SSH3: variants seen among roughly 807,000 people sequenced by gnomAD.
The protein encoded by SSH3 is protein phosphatase Slingshot homolog 3.
In SSH3, 67 loss-of-function variants were observed where a neutral mutation model predicts 75.0. The ratio of observed to expected loss-of-function variants is 0.89; its 90% CI spans 0.73 to 1.10. The LOEUF is 1.10. Among genes scored for constraint, SSH3 ranks in the 50% least tolerant of loss-of-function variants. The probability of loss-of-function intolerance (pLI) is 0.00; values close to 1 mark genes in which losing one functional copy is unlikely to be tolerated. For synonymous variants in SSH3, 318 were observed against 349.2 expected, an observed-to-expected ratio of 0.91 and a Z score of 1.00; for missense variants, 824 against 872.7, an observed-to-expected ratio of 0.94 and a Z score of 0.70.
intron 10 of SSH3, 174 bp from the exon 11 acceptor site, chr11:67,309,223 G>T: frequency 1.4e-6 from 1 of 730,028 alleles, no homozygotes; most frequent in Non-Finnish European, 2.2e-6. Context: ...CAAGATGATT[G>T]GTCTAAGGTC....
intron 13 of SSH3, among the ~76,000 whole-genome samples, chr11:67,310,725 C>G (rs1164552287): frequency 6.6e-6 from 1 of 152,124 alleles, no homozygotes; most frequent in Non-Finnish European, 1.5e-5. Context: ...GGTGAGCCAG[C>G]CCCAGCCTCG....
rs373086152 is a variant in SSH3, at chr11:67,309,718, G to A, written c.1209-50G>A. The A allele has an allele frequency of 4.2e-5, 67 of 1,604,416 alleles. No homozygotes were observed. The African/African-American group carries it at 5.9e-4, about 14-fold the overall frequency. On this transcript the variant is annotated intron_variant, in intron 11 of 13. Transcript: ENST00000308127. ...TCACCTGCCCTCCCCTGCAGGAGGC[G>A]GGATCCTTCATGGTGAGGGGAGGGT...
Position 67,307,194 on chromosome 11 carries a change from G to T in SSH3, c.536+81G>T, listed in dbSNP as rs1861271315. 3 of 1,582,412 alleles carry T rather than the reference G, an allele frequency of 1.9e-6. No individual in the cohort carries two copies. The Admixed American group carries it at 5.2e-5, about 27-fold the overall frequency. ...GATGTGACGGGGCCTGGGCACCAGG[G>T]TACAGTAGAACTTTAGGCTGGGACT... is the stretch of plus-strand genomic sequence containing the variant. On this transcript the variant is annotated intron_variant, in intron 5 of 13. Transcript: ENST00000308127. The surrounding 1 kb of genome is among the most constrained non-coding windows in gnomAD (Gnocchi z 4.2).
intron 10 of SSH3, chr11:67,309,125 C>T: frequency 2.1e-6 from 1 of 477,770 alleles, no homozygotes; most frequent in South Asian, 2.4e-5. Context: ...AAAAGCTGTT[C>T]TCTAACTCAT....
At chr11:67,305,335 C>T (rs917685591) in intron 3 of SSH3, among the ~76,000 whole-genome samples, 3 of 152,030 alleles carry the variant, frequency 2.0e-5, no homozygotes, top group Admixed American at 6.6e-5. Context: ...TACAGGCACC[C>T]GCCACTATGC....
At position 67,310,336 on chromosome 11, in the gene SSH3, A is replaced by G; in HGVS notation, c.1680A>G (p.Pro560=). 1 of 1,605,398 alleles carries G rather than the reference A, an allele frequency of 6.2e-7. No individual in the cohort carries two copies. Among genetic ancestry groups the G allele is most frequent in the Non-Finnish European group, 8.5e-7 (1 of 1,174,270 alleles). Residue 560 remains proline (P), a synonymous_variant, in exon 13 of 14, where the codon CCA becomes CCG. Coordinates refer to ENST00000308127, the MANE Select transcript of SSH3 (RefSeq NM_017857.4). ...LESTSETSDM[P]EVFSSHESSH... ...GCACCTCAGAGACCAGTGACATGCC[A>G]GAGGTGAGGCTGGGGCTGGGGGAGC...
chr11:67,311,875 G>A lies in SSH3; in HGVS notation c.1968G>A (p.Glu656=). The A allele has an allele frequency of 2.5e-6, 4 of 1,611,116 alleles. No individual in the cohort carries two copies. Among genetic ancestry groups the A allele is most frequent in the Non-Finnish European group, 3.4e-6 (4 of 1,179,682 alleles). The change falls in exon 14 of 14, where the codon GAG becomes GAA. Residue 656 remains glutamate, a synonymous_variant. Coordinates refer to ENST00000308127, the MANE Select transcript of SSH3 (RefSeq NM_017857.4). Reference sequence around the variant, plus strand: ...CCAGCGTGCATGACAGTGGAGAGGAGGGCGAGGCCTGAGCCCTCACACATG... The same window carrying A: ...CCAGCGTGCATGACAGTGGAGAGGAAGGCGAGGCCTGAGCCCTCACACATG... ...RQASVHDSGE[E]GEA is the part of the protein sequence containing the mutation.
rs1402591584 is a variant in SSH3, at chr11:67,307,346, C to T, written c.537-25C>T. 1 of 1,613,158 alleles carries T rather than the reference C, an allele frequency of 6.2e-7. No individual in the cohort carries two copies. The highest frequency in any genetic ancestry group is 1.3e-5 in the African/African-American group (1 of 74,908). Reference sequence around the variant, plus strand: ...TCTGTCGCAGAGCCTGGAGTCTGGCCTCACCTGTGCCTGGTCTCCTGCAGG... The same window carrying T: ...TCTGTCGCAGAGCCTGGAGTCTGGCTTCACCTGTGCCTGGTCTCCTGCAGG... On this transcript the variant is annotated intron_variant, in intron 5 of 13. Coordinates refer to ENST00000308127, the MANE Select transcript of SSH3 (RefSeq NM_017857.4). The surrounding 1 kb of genome is among the most constrained non-coding windows in gnomAD (Gnocchi z 4.2).
chr11:67,309,915 C>T lies in SSH3; in HGVS notation c.1356C>T (p.Pro452=), dbSNP rs1310919850. ...AGGAGCTCCGGCCCATCGCCCGCCC[C>T]AACCCTGGCTTCCTGCGCCAGCTGC... ...HVQELRPIAR[P]NPGFLRQLQI... is the part of the protein sequence containing the mutation. Residue 452 remains proline, a synonymous_variant, in exon 12 of 14, where the codon CCC becomes CCT. Coordinates refer to ENST00000308127, the MANE Select transcript of SSH3 (RefSeq NM_017857.4). 5 of 1,611,154 alleles carry T rather than the reference C, an allele frequency of 3.1e-6. No homozygotes were observed. The highest frequency in any genetic ancestry group is 4.2e-6 in the Non-Finnish European group (5 of 1,179,982).
rs990146701 is a variant in SSH3 at position 67,307,489 on chromosome 11, G to T, written c.602+53G>T. On this transcript the variant is annotated intron_variant, in intron 6 of 13. Coordinates refer to ENST00000308127, the MANE Select transcript of SSH3 (RefSeq NM_017857.4). The surrounding 1 kb of genome is among the most constrained non-coding windows in gnomAD (Gnocchi z 4.2). ...GCCAGCCTCTCCTTCGAAGGAGGCT[G>T]CAGGGCCTGGGGAAGGGCAGCAAGG... is the stretch of plus-strand genomic sequence containing the variant. 7.4e-6 allele frequency: 12 copies of T among 1,613,038 alleles called. No individual in the cohort carries two copies. In the African/African-American group the frequency reaches 1.5e-4, roughly 20 times the overall value.
rs555327507 is a variant in SSH3, at chr11:67,306,694, T to G, written c.340-144T>G. On this transcript the variant is annotated intron_variant, in intron 3 of 13. Coordinates refer to ENST00000308127, the MANE Select transcript of SSH3 (RefSeq NM_017857.4). ...TCCCCGCTTTTTTCCACACAGTCCC[T>G]CTTTACCCACTGATTTTACATCTGG... The G allele has an allele frequency of 2.8e-5, 29 of 1,033,478 alleles. No homozygotes were observed. The African/African-American group carries it at 4.2e-4, about 15-fold the overall frequency. The allele number at this position is 1,033,478 out of a possible 1,614,324, so 64.0% of individuals were successfully genotyped here.
intron 3 of SSH3, 132 bp from the exon 4 acceptor site, chr11:67,306,706 G>GATTTTAC: frequency 8.9e-7 from 1 of 1,125,750 alleles, no homozygotes; most frequent in Non-Finnish European, 1.2e-6. Context: ...TTTACCCACT[G>GATTTTAC]ATTTTACATC....
chr11:67,308,070 C>A lies in SSH3; in HGVS notation c.886-104C>A. 1 of 1,587,980 alleles carries A rather than the reference C, an allele frequency of 6.3e-7. No homozygotes were observed. Among genetic ancestry groups the A allele is most frequent in the African/African-American group, 1.3e-5 (1 of 74,558 alleles). On this transcript the variant is annotated intron_variant, in intron 8 of 13. Transcript: ENST00000308127. This position sits in a 1 kb window ranked among gnomAD's most constrained non-coding sequence, Gnocchi z 4.9. ...GGATGCCTTGGCCTTGGCCCTAATCCATCTAGATGGGATAGGGTGCTGTCC... is the reference window on the plus strand; with the variant it reads ...GGATGCCTTGGCCTTGGCCCTAATCAATCTAGATGGGATAGGGTGCTGTCC...
At position 67,309,918 on chromosome 11, in the gene SSH3, C is replaced by T; in HGVS notation, c.1359C>T (p.Asn453=). 4 of 1,611,118 alleles carry T rather than the reference C, an allele frequency of 2.5e-6. No individual in the cohort carries two copies. The highest frequency in any genetic ancestry group is 2.5e-6 in the Non-Finnish European group (3 of 1,179,974). The change falls in exon 12 of 14, where the codon AAC becomes AAT. Residue 453 remains asparagine (N), a synonymous_variant. Transcript: ENST00000308127. ...VQELRPIARP[N]PGFLRQLQIY... is the part of the protein sequence containing the mutation. ...AGCTCCGGCCCATCGCCCGCCCCAA[C>T]CCTGGCTTCCTGCGCCAGCTGCAGA...
At position 67,307,849 on chromosome 11, in the gene SSH3, C is replaced by G. The variant is rs957572203; in HGVS notation, c.795C>G (p.Ser265=). ...GACTGAGGGGCTCTGCTCCCAGGTC[C>G]TCAGAACAGGAGCAGATGGAGCAGG... ...LRPPSAEPGG[S]SEQEQMEQAI... is the part of the protein sequence containing the mutation. The change falls in exon 8 of 14, where the codon TCC becomes TCG. Residue 265 remains serine, a synonymous_variant. Coordinates refer to ENST00000308127, the MANE Select transcript of SSH3 (RefSeq NM_017857.4). This position sits in a 1 kb window ranked among gnomAD's most constrained non-coding sequence, Gnocchi z 4.2. The G allele has an allele frequency of 6.2e-7, 1 of 1,614,184 alleles. No individual in the cohort carries two copies. Among genetic ancestry groups the G allele is most frequent in the Non-Finnish European group, 8.5e-7 (1 of 1,180,020 alleles).
Position 67,307,518 on chromosome 11 carries a change from C to T in SSH3, c.603-31C>T. On this transcript the variant is annotated intron_variant, in intron 6 of 13. Coordinates refer to ENST00000308127, the MANE Select transcript of SSH3 (RefSeq NM_017857.4). The surrounding 1 kb of genome is among the most constrained non-coding windows in gnomAD (Gnocchi z 4.2). ...GGCCTGGGGAAGGGCAGCAAGGGAACAGTGTGACCCAGCCTCTCCTCCTGT... is the reference window on the plus strand; with the variant it reads ...GGCCTGGGGAAGGGCAGCAAGGGAATAGTGTGACCCAGCCTCTCCTCCTGT... 6 of 1,610,902 alleles carry T rather than the reference C, an allele frequency of 3.7e-6. No homozygotes were observed. The highest frequency in any genetic ancestry group is 5.1e-6 in the Non-Finnish European group (6 of 1,178,184).
At chr11:67,304,078 T>C (rs1194831204) in intron 1 of SSH3, 40 bp from the exon 2 acceptor site, 2 of 1,549,100 alleles carry the variant, frequency 1.3e-6, no homozygotes, top group Non-Finnish European at 1.7e-6. Context: ...GGGACAGCCC[T>C]CCCCGCCCTC....
chr11:67,303,597 G>A lies in SSH3; in HGVS notation c.-29G>A. ...GTTGAGGGAAGGGGCCGTGCCCGGT[G>A]CCAGCCCAGGTGCTCGCGGCCTGGC... On this transcript the variant is annotated 5_prime_UTR_variant, in exon 1 of 14. Transcript: ENST00000308127. The A allele has an allele frequency of 6.6e-7, 1 of 1,517,330 alleles. No individual in the cohort carries two copies. The highest frequency in any genetic ancestry group is 2.0e-4 in the Middle Eastern group (1 of 5,086). 94.0% of individuals were successfully genotyped at this position (1,517,330 alleles called of 1,614,324 possible).
Position 67,312,049 on chromosome 11 carries a change from C to T in SSH3, c.*162C>T. 1 of 916,546 alleles carries T rather than the reference C, an allele frequency of 1.1e-6. No individual in the cohort carries two copies. The highest frequency in any genetic ancestry group is 1.8e-5 in the South Asian group (1 of 56,066). 56.8% of individuals were successfully genotyped at this position (916,546 alleles called of 1,614,324 possible). A position where few individuals can be genotyped will look rare whatever the true frequency, so the allele number is the denominator to read the frequency against. ...CTGTCACTACGGCCTCACCTCCCAC[C>T]CCTGTCACTACAGCCTCACCTCCTA... On this transcript the variant is annotated 3_prime_UTR_variant, in exon 14 of 14. Coordinates refer to ENST00000308127, the MANE Select transcript of SSH3 (RefSeq NM_017857.4).
Sources: gnomAD v4.1 joint callset for allele counts (sites outside exome capture counted in the v4.1 genomes callset) on GRCh38, gnomAD v4.1.1 for gene constraint, Gnocchi (gnomAD v3.1) non-coding constraint, MANE v1.5 for transcripts, NCBI Gene and HGNC (gene_info 2026-07-23, HGNC 2026-07-21) for gene names.